HIPK2: variants seen among roughly 807,000 people sequenced by gnomAD.
The protein encoded by HIPK2 is homeodomain interacting protein kinase 2.
A neutral mutation model predicts 113.7 loss-of-function variants in HIPK2; 27 were observed. The ratio of observed to expected loss-of-function variants is 0.24; its 90% CI spans 0.17 to 0.33. The LOEUF is 0.33. Among genes scored for constraint, HIPK2 ranks in the 10% least tolerant of loss-of-function variants. HIPK2 has a pLI of 1.00. For synonymous variants in HIPK2, 631 were observed against 642.2 expected, an observed-to-expected ratio of 0.98 and a Z score of 0.26; for missense variants, 1,257 against 1,588.0, an observed-to-expected ratio of 0.79 and a Z score of 3.54.
Position 139,564,335 on chromosome 7 carries a change from G to A in HIPK2, c.*8592C>T, listed in dbSNP as rs995239809. The A allele has an allele frequency of 1.8e-5, 3 of 168,188 alleles. No homozygotes were observed. Among genetic ancestry groups the A allele is most frequent in the African/African-American group, 7.1e-5 (3 of 42,184 alleles). The allele number at this position is 168,188 out of a possible 1,614,324, so 10.4% of individuals were successfully genotyped here. On this transcript the variant is annotated 3_prime_UTR_variant, in exon 15 of 15. Coordinates refer to ENST00000406875, the MANE Select transcript of HIPK2 (RefSeq NM_022740.5). ...CCAGAAGTAGCAGCTGTGCCTTCAT[G>A]GTCACCTGAATCCCAGTCTCTTCTA...
At chr7:139,702,979 C>T (rs1369643969) in intron 2 of HIPK2, among the ~76,000 whole-genome samples, 4 of 152,124 alleles carry the variant, frequency 2.6e-5, no homozygotes, top group African/African-American at 7.2e-5. Context: ...GAGTTGTTTT[C>T]GTAGGTTCCC....
intron 2 of HIPK2, among the ~76,000 whole-genome samples, chr7:139,668,020 G>A (rs570061035): frequency 6.6e-5 from 10 of 151,612 alleles, no homozygotes; most frequent in East Asian, 5.8e-4. Flanking sequence ...TCAGCTACTC[G>A]GAAGGCTGAG....
chr7:139,652,728 C>T (rs577591858), intron 2 of HIPK2, among the ~76,000 whole-genome samples: 1 of 152,130 alleles, frequency 6.6e-6, no homozygotes. Flanking sequence ...GGAGAGAATT[C>T]AAGGAGGCAG....
chr7:139,601,405 C>T (rs1206695397), intron 10 of HIPK2, among the ~76,000 whole-genome samples: 2 of 152,100 alleles, frequency 1.3e-5, no homozygotes, highest in Non-Finnish European at 2.9e-5. Context: ...TTATACTTTA[C>T]GTGAAAAACA....
chr7:139,771,861 G>A (rs928763200), intron 1 of HIPK2, among the ~76,000 whole-genome samples: 3 of 152,100 alleles, frequency 2.0e-5, no homozygotes, highest in Non-Finnish European at 4.4e-5. Flanking sequence ...GTATATGAAA[G>A]GTTTTAGAGA....
Position 139,575,047 on chromosome 7 carries a change from C to T in HIPK2, c.3126+81G>A, listed in dbSNP as rs568023447. On this transcript the variant is annotated intron_variant, in intron 14 of 14. Coordinates refer to ENST00000406875, the MANE Select transcript of HIPK2 (RefSeq NM_022740.5). ...CAGCCCTGTGAGGTGGGTGAGGGGC[C>T]GCCACAGCAATCCTCTCTGAAGCGG... 1.0e-5 allele frequency: 15 copies of T among 1,475,966 alleles called. No individual in the cohort carries two copies. In the Admixed American group the frequency reaches 1.1e-4, roughly 11 times the overall value. The allele number at this position is 1,475,966 out of a possible 1,614,324, so 91.4% of individuals were successfully genotyped here. A position where few individuals can be genotyped will look rare whatever the true frequency, so the allele number is the denominator to read the frequency against.
At chr7:139,596,691 G>A (rs1294571762) in intron 12 of HIPK2, 26 bp downstream of exon 12, 3 of 1,602,240 alleles carry the variant, frequency 1.9e-6, no homozygotes, top group Non-Finnish European at 2.6e-6. Context: ...GCTCCTTCCT[G>A]GAAGGCTAAG....
chr7:139,663,369 A>G (rs1030905004), intron 2 of HIPK2, among the ~76,000 whole-genome samples: 8 of 152,192 alleles, frequency 5.3e-5, no homozygotes, highest in African/African-American at 1.9e-4. Flanking sequence ...GCAGCAGTGC[A>G]ATGCAGCTGG....
intron 12 of HIPK2, among the ~76,000 whole-genome samples, chr7:139,591,859 C>T (rs1799036670): frequency 6.6e-6 from 1 of 152,262 alleles, no homozygotes; most frequent in South Asian, 2.1e-4. Context: ...ATGAGCATGG[C>T]AGGAGGCTGG....
Position 139,631,031 on chromosome 7 carries a change from T to C in HIPK2, c.1347+134A>G, listed in dbSNP as rs10241798. The C allele has an allele frequency of 0.14, 166,614 of 1,192,584 alleles. 15,531 individuals are homozygous for C. The highest frequency in any genetic ancestry group is 0.45 in the African/African-American group (29,004 of 64,912). 73.9% of individuals were successfully genotyped at this position (1,192,584 alleles called of 1,614,324 possible). ...GCTTCTGAGCATTCAGATTCAGCCATACCATGTATTAACAACAGCACCCCC... is the reference window on the plus strand; with the variant it reads ...GCTTCTGAGCATTCAGATTCAGCCACACCATGTATTAACAACAGCACCCCC... On this transcript the variant is annotated intron_variant, in intron 4 of 14. Coordinates refer to ENST00000406875, the MANE Select transcript of HIPK2 (RefSeq NM_022740.5). The surrounding 1 kb of genome is among the most constrained non-coding windows in gnomAD (Gnocchi z 4.9).
At chr7:139,595,336 G>A (rs1448016498) in intron 12 of HIPK2, among the ~76,000 whole-genome samples, 2 of 152,180 alleles carry the variant, frequency 1.3e-5, no homozygotes, top group African/African-American at 4.8e-5. Context: ...GGACTGAACC[G>A]ACAGTATTCC....
At position 139,572,082 on chromosome 7, in the gene HIPK2, T is replaced by C. The variant is rs1798301566; in HGVS notation, c.*845A>G. ...GACCGCTAGCCCTACGCTACGCGACTAGGGGTGGATTCAAAGAGAAAATAC... is the reference window on the plus strand; with the variant it reads ...GACCGCTAGCCCTACGCTACGCGACCAGGGGTGGATTCAAAGAGAAAATAC... On this transcript the variant is annotated 3_prime_UTR_variant, in exon 15 of 15. Coordinates refer to ENST00000406875, the MANE Select transcript of HIPK2 (RefSeq NM_022740.5). The C allele has an allele frequency of 6.6e-6, 1 of 152,232 alleles. No homozygotes were observed. Among genetic ancestry groups the C allele is most frequent in the African/African-American group, 2.4e-5 (1 of 41,460 alleles). 9.4% of individuals were successfully genotyped at this position (152,232 alleles called of 1,614,324 possible).
In HIPK2 at chr7:139,674,635, C is replaced by G. The variant is rs79783097; in HGVS notation, c.1103+41297G>C. The stretch of plus-strand genomic sequence containing the variant: ...ACCTGGCATGGACCAAATTCTGGCT[C>G]CTTTCCACGAAAGGAAGAAAAATGA... On this transcript the variant is annotated intron_variant, in intron 2 of 14. Transcript: ENST00000406875. 3.5e-3 allele frequency among the ~76,000 whole-genome samples: 529 copies of G among 152,242 alleles called. 5 individuals are homozygous for G. Among genetic ancestry groups the G allele is most frequent in the African/African-American group, 0.012 (503 of 41,534 alleles).
chr7:139,720,159 C>T (rs1430058931), intron 1 of HIPK2, among the ~76,000 whole-genome samples: 1 of 152,188 alleles, frequency 6.6e-6, no homozygotes, highest in African/African-American at 2.4e-5. Flanking sequence ...ATTCCTTTAC[C>T]TGGCATGCCT....
rs15542 is a variant in HIPK2, at chr7:139,563,885, G to A, written c.*9042C>T. On this transcript the variant is annotated 3_prime_UTR_variant, in exon 15 of 15. Coordinates refer to ENST00000406875, the MANE Select transcript of HIPK2 (RefSeq NM_022740.5). ...TTTAGGTCACAGCAGGTCCTCTGCA[G>A]TTTGGTGGTGGCACAAGAGAAAACA... 2.5e-6 allele frequency: 1 copy of A among 398,532 alleles called. No individual in the cohort carries two copies. Among genetic ancestry groups the A allele is most frequent in the African/African-American group, 2.1e-5 (1 of 48,638 alleles). 24.7% of individuals were successfully genotyped at this position (398,532 alleles called of 1,614,324 possible). A position where few individuals can be genotyped will look rare whatever the true frequency, so the allele number is the denominator to read the frequency against.
At chr7:139,690,971 C>A (rs1693423513) in intron 2 of HIPK2, among the ~76,000 whole-genome samples, 1 of 152,188 alleles carries the variant, frequency 6.6e-6, no homozygotes, top group Admixed American at 6.5e-5. Context: ...ACAATCTCGG[C>A]CTGGGAAGCC....
At chr7:139,649,260 G>A (rs1222691256) in intron 2 of HIPK2, among the ~76,000 whole-genome samples, 2 of 152,128 alleles carry the variant, frequency 1.3e-5, no homozygotes, top group Admixed American at 6.5e-5. Context: ...GGGTGGCTGC[G>A]GGGGGCGGGC....
intron 1 of HIPK2, among the ~76,000 whole-genome samples, chr7:139,755,181 C>T (rs1323245266): frequency 6.6e-6 from 1 of 152,174 alleles, no homozygotes; most frequent in Non-Finnish European, 1.5e-5. Flanking sequence ...CTGCAGGAAG[C>T]TTCTGGAAAA....
chr7:139,751,202 A>G (rs1053204199), intron 1 of HIPK2, among the ~76,000 whole-genome samples: 2 of 120,266 alleles, frequency 1.7e-5, no homozygotes, highest in African/African-American at 1.2e-4. Flanking sequence ...TAGTATAGTT[A>G]AAAAACACTA....
Sources: allele counts gnomAD v4.1 joint callset (sites outside exome capture counted in the v4.1 genomes callset), GRCh38; gene constraint gnomAD v4.1.1; non-coding constraint Gnocchi (gnomAD v3.1); transcripts MANE v1.5; gene names NCBI Gene and HGNC (gene_info 2026-07-23, HGNC 2026-07-21).